The following TRABD2A variants were observed in gnomAD, a reference collection of about 807,000 sequenced individuals.
TRABD2A encodes metalloprotease TIKI1.
TRABD2A carries 43 observed loss-of-function variants against 45.6 expected under a neutral mutation model. The ratio of observed to expected loss-of-function variants is 0.94; its 90% CI spans 0.74 to 1.22. The LOEUF (loss-of-function observed/expected upper bound fraction) is 1.22, where lower values mean the gene tolerates loss of function less well. Among genes scored for constraint, TRABD2A ranks in the 50% most tolerant of loss-of-function variants. The pLI is 0.00. For missense variants in TRABD2A, 642 were observed against 652.4 expected (o/e 0.98, Z 0.17); for synonymous variants, 269 against 265.0 (o/e 1.02, Z -0.15).
intron 2 of TRABD2A, among the ~76,000 whole-genome samples, chr2:84,861,801 C>A (rs552437556): frequency 1.3e-5 from 2 of 152,184 alleles, no homozygotes; most frequent in African/African-American, 4.8e-5. Context: ...CCAAAGCACC[C>A]GCAAGAGCAG....
chr2:84,840,313 T>A (rs1313073834), intron 3 of TRABD2A, among the ~76,000 whole-genome samples: 1 of 152,090 alleles, frequency 6.6e-6, no homozygotes, highest in Admixed American at 6.5e-5. Flanking sequence ...TTATGTAAGA[T>A]CCCCTGCCCA....
intron 5 of TRABD2A, among the ~76,000 whole-genome samples, 182 bp from the exon 6 acceptor site, chr2:84,824,386 C>CT (rs1458547971): frequency 2.6e-5 from 4 of 151,390 alleles, no homozygotes; most frequent in African/African-American, 7.3e-5. Flanking sequence ...TCTTTGACGC[C>CT]TTTTTTTTCC....
At chr2:84,879,995 AC>A (rs532891016) in intron 1 of TRABD2A, among the ~76,000 whole-genome samples, 9 of 128,434 alleles carry the variant, frequency 7.0e-5, no homozygotes, top group Non-Finnish European at 1.2e-4. Context: ...CCCACCCCCA[AC>A]CCCCCCCACC....
At chr2:84,823,891 T>A in intron 6 of TRABD2A, 62 bp downstream of exon 6, 2 of 1,589,300 alleles carry the variant, frequency 1.3e-6, no homozygotes, top group East Asian at 4.5e-5. Flanking sequence ...GTGAGGGGCA[T>A]TCCTGGGTCC....
At chr2:84,870,929 G>A in intron 1 of TRABD2A, 144 bp from the exon 2 acceptor site, 2 of 830,328 alleles carry the variant, frequency 2.4e-6, no homozygotes, top group Non-Finnish European at 3.7e-6. Flanking sequence ...AGATTCACCT[G>A]CCAGGACAAT....
In TRABD2A at chr2:84,870,243, A is replaced by G; in HGVS notation, c.651T>C (p.Asn217=). ...GTCTTACCTGTGAAAAGTTCAACCC[A>G]TTCAATGGATGGCACTGCTCTTCCA... ...EKVEEQCHPL[N]GLNFSQVIFA... is the part of the protein sequence containing the mutation. The change falls in exon 2 of 7, where the codon AAT becomes AAC. Residue 217 remains asparagine, a synonymous_variant. Transcript: ENST00000409520. 6.2e-7 allele frequency: 1 copy of G among 1,612,036 alleles called. No individual in the cohort carries two copies. Among genetic ancestry groups the G allele is most frequent in the Non-Finnish European group, 8.5e-7 (1 of 1,178,478 alleles).
intron 2 of TRABD2A, chr2:84,849,672 CA>C (rs1682016641): frequency 6.6e-6 from 1 of 152,234 alleles, no homozygotes. Context: ...CAGGACTTGT[CA>C]GAGTTAGAGC....
intron 1 of TRABD2A, among the ~76,000 whole-genome samples, chr2:84,878,115 G>A (rs1047412783): frequency 7.9e-5 from 12 of 152,160 alleles, no homozygotes; most frequent in East Asian, 1.9e-4. Flanking sequence ...TCACCTTTAC[G>A]AGAGTAATCA....
intron 2 of TRABD2A, among the ~76,000 whole-genome samples, chr2:84,857,177 A>G (rs1682341142): frequency 1.3e-5 from 2 of 152,224 alleles, no homozygotes; most frequent in East Asian, 1.9e-4. Flanking sequence ...CAGCAGCCCA[A>G]GCAGGCTAAT....
At chr2:84,839,624 CTG>C (rs1455464461) in intron 3 of TRABD2A, among the ~76,000 whole-genome samples, 1 of 151,728 alleles carries the variant, frequency 6.6e-6, no homozygotes, top group Non-Finnish European at 1.5e-5. Context: ...AAAAAGGACA[CTG>C]TCTTTGCACA....
chr2:84,872,001 G>C (rs145216281), intron 1 of TRABD2A, among the ~76,000 whole-genome samples: 10 of 152,098 alleles, frequency 6.6e-5, no homozygotes, highest in Non-Finnish European at 1.5e-4. Context: ...GCTGAGCAGC[G>C]GTGCATGTTC....
At chr2:84,847,500 T>C (rs1371049989) in intron 2 of TRABD2A, among the ~76,000 whole-genome samples, 3 of 152,152 alleles carry the variant, frequency 2.0e-5, no homozygotes, top group Non-Finnish European at 4.4e-5. Flanking sequence ...ATGAATCAGC[T>C]GAACACACCT....
chr2:84,836,683 A>C (rs1681521919), intron 4 of TRABD2A: 1 of 151,982 alleles, frequency 6.6e-6, no homozygotes, highest in Admixed American at 6.6e-5. Flanking sequence ...ACATTGGCAC[A>C]CTTGAGGGTG....
chr2:84,874,841 C>A, intron 1 of TRABD2A: 1 of 192,706 alleles, frequency 5.2e-6, no homozygotes. Context: ...CCTTCTGCTT[C>A]TGCCCTCGAA....
At chr2:84,863,402 G>A (rs1282586672) in intron 2 of TRABD2A, among the ~76,000 whole-genome samples, 1 of 148,734 alleles carries the variant, frequency 6.7e-6, no homozygotes, top group South Asian at 2.1e-4. Flanking sequence ...CAGCCATCAC[G>A]CCCGGCTAAT....
intron 2 of TRABD2A, among the ~76,000 whole-genome samples, chr2:84,851,528 A>G (rs916241378): frequency 6.6e-6 from 1 of 152,296 alleles, no homozygotes; most frequent in Non-Finnish European, 1.5e-5. Flanking sequence ...TTACCTTCTC[A>G]AGTCACTCAC....
intron 1 of TRABD2A, among the ~76,000 whole-genome samples, chr2:84,876,182 T>C (rs1683021171): frequency 6.6e-6 from 1 of 152,078 alleles, no homozygotes; most frequent in Non-Finnish European, 1.5e-5. Context: ...GGTAGGTGAA[T>C]ATGTAAGTCT....
intron 2 of TRABD2A, among the ~76,000 whole-genome samples, chr2:84,846,115 T>C (rs1681887491): frequency 6.6e-6 from 1 of 152,200 alleles, no homozygotes; most frequent in Admixed American, 6.5e-5. Context: ...GGAGGTCACC[T>C]TGTGTCACTG....
chr2:84,834,383 A>T (rs1681434934), intron 4 of TRABD2A: 1 of 152,194 alleles, frequency 6.6e-6, no homozygotes, highest in African/African-American at 2.4e-5. Context: ...AATGAGCATA[A>T]TGTGGGAGCC....
Sources: gnomAD v4.1 joint callset for allele counts (sites outside exome capture counted in the v4.1 genomes callset) on GRCh38, gnomAD v4.1.1 for gene constraint, MANE v1.5 for transcripts, NCBI Gene and HGNC (gene_info 2026-07-23, HGNC 2026-07-21) for gene names.